The following TTC14 variants were observed in gnomAD, a reference collection of about 807,000 sequenced individuals.
TTC14 encodes tetratricopeptide repeat protein 14.
TTC14 carries 63 observed loss-of-function variants against 79.9 expected under a neutral mutation model. That is an observed-to-expected ratio of 0.79 (90% CI 0.64 to 0.97). TTC14 has a LOEUF of 0.97. Ranked by LOEUF, TTC14 falls within the 50% of genes least tolerant of loss-of-function variation. The probability of loss-of-function intolerance (pLI) is 0.00; values close to 1 mark genes in which losing one functional copy is unlikely to be tolerated. For synonymous variants in TTC14, 335 were observed against 309.6 expected (o/e 1.08, Z -0.86); for missense variants, 895 against 894.0 (o/e 1.00, Z -0.01).
At chr3:180,608,977 G>A in intron 11 of TTC14, 167 bp downstream of exon 11, 1 of 1,164,820 alleles carries the variant, frequency 8.6e-7, no homozygotes, top group Non-Finnish European at 1.1e-6. Flanking sequence ...TCTTATTAAA[G>A]AGATGAAGTG....
intron 3 of TTC14, 89 bp downstream of exon 3, chr3:180,603,412 G>A: frequency 8.9e-7 from 1 of 1,119,406 alleles, no homozygotes. Context: ...TTGTGCTCAA[G>A]TATACCTGCC....
downstream of TTC14, chr3:180,614,950 T>C (rs1173689494): frequency 5.7e-6 from 9 of 1,566,058 alleles, no homozygotes; most frequent in Non-Finnish European, 7.8e-6. Flanking sequence ...CTCTTAACAT[T>C]ACTAGAGCTA....
intron 3 of TTC14, 24 bp from the exon 4 acceptor site, chr3:180,604,201 G>A: frequency 6.3e-7 from 1 of 1,595,044 alleles, no homozygotes; most frequent in Non-Finnish European, 8.6e-7. Context: ...AATGTCTGGT[G>A]TTTTAAAATA....
chr3:180,608,951 T>C (rs1716842645), intron 11 of TTC14, 141 bp downstream of exon 11: 1 of 1,211,792 alleles, frequency 8.3e-7, no homozygotes, highest in Non-Finnish European at 1.0e-6. Flanking sequence ...TTAGCAAATA[T>C]GTGTTCCATG....
chr3:180,613,418 G>A (rs957857647), downstream of TTC14, among the ~76,000 whole-genome samples: 17 of 152,122 alleles, frequency 1.1e-4, no homozygotes, highest in Non-Finnish European at 1.6e-4. Context: ...ATGTAGATTC[G>A]TATGCTGGCC....
exon 13 of TTC14, chr3:180,617,443 T>C (rs1284279990): frequency 5.8e-6 from 4 of 686,836 alleles, no homozygotes; most frequent in African/African-American, 1.8e-5. Context: ...TCAGGAGATA[T>C]TCCAGAAGAG....
chr3:180,615,078 C>G (rs1406796195), downstream of TTC14: 2 of 1,519,216 alleles, frequency 1.3e-6, no homozygotes, highest in South Asian at 1.3e-5. Context: ...CCTAGATGAC[C>G]TAGAAGAAAA....
At chr3:180,605,887 A>AG (rs765456938) in intron 7 of TTC14, 50 bp downstream of exon 7, 2 of 1,537,850 alleles carry the variant, frequency 1.3e-6, no homozygotes, top group Non-Finnish European at 1.8e-6. Flanking sequence ...CTAAAAGCTT[A>AG]GGGCAAGGCA....
In TTC14 at chr3:180,610,814, A is replaced by C. The variant is rs953954871; in HGVS notation, c.*272A>C. 2.5e-5 allele frequency: 26 copies of C among 1,026,284 alleles called. No individual in the cohort carries two copies. The African/African-American group carries it at 4.4e-4, about 18-fold the overall frequency. 63.6% of individuals were successfully genotyped at this position (1,026,284 alleles called of 1,614,324 possible). ...TTCTTCACCTAAAGATAATTCTCTG[A>C]AAGTACTGTTTCTTCATTCTATTGC... On this transcript the variant is annotated 3_prime_UTR_variant, in exon 12 of 12. Coordinates refer to ENST00000296015, the MANE Select transcript of TTC14 (RefSeq NM_133462.4).
At chr3:180,611,981 A>G (rs1221052285), downstream of TTC14, among the ~76,000 whole-genome samples, 1 of 152,220 alleles carries the variant, frequency 6.6e-6, no homozygotes, top group African/African-American at 2.4e-5. Flanking sequence ...TTCTTTTGCA[A>G]ATGGAACAGT....
intron 10 of TTC14, 181 bp downstream of exon 10, chr3:180,607,946 A>G: frequency 7.4e-7 from 1 of 1,352,090 alleles, no homozygotes; most frequent in Non-Finnish European, 9.5e-7. Context: ...TTTTGTCCAT[A>G]ATCGAAAGTA....
chr3:180,617,204 G>T (rs890082476), intron 12 of TTC14, among the ~76,000 whole-genome samples: 1 of 152,068 alleles, frequency 6.6e-6, no homozygotes, highest in African/African-American at 2.4e-5. Context: ...TTGTAATGTG[G>T]CACAATACAT....
intron 7 of TTC14, 144 bp downstream of exon 7, chr3:180,605,981 AAGT>A: frequency 1.1e-6 from 1 of 907,354 alleles, no homozygotes; most frequent in South Asian, 1.6e-5. Context: ...TTATAGATGT[AAGT>A]AGTCTTACAT....
intron 1 of TTC14, 52 bp downstream of exon 1, chr3:180,602,474 C>T (rs896872715): frequency 4.6e-6 from 7 of 1,526,346 alleles, no homozygotes; most frequent in Non-Finnish European, 6.1e-6. Context: ...GCAGCTCTGG[C>T]AGCCACTACC....
At chr3:180,605,872 C>A in intron 7 of TTC14, 35 bp downstream of exon 7, 1 of 1,563,248 alleles carries the variant, frequency 6.4e-7, no homozygotes, top group Non-Finnish European at 8.6e-7. Context: ...TGCATTATAT[C>A]TAGTCTAAAA....
chr3:180,604,573 G>T lies in TTC14; in HGVS notation c.667G>T (p.Val223Leu). Residue 223 changes from valine (V) to leucine (L), a missense_variant, in exon 5 of 12, where the codon GTA (valine) becomes TTA (leucine). Val to Leu is a conservative substitution (Grantham distance 32). Coordinates refer to ENST00000296015, the MANE Select transcript of TTC14 (RefSeq NM_133462.4). Reference sequence around the variant, plus strand: ...ACACCTATCTGGTATTAAATTAGGTGTAATTAGCTCTGAAGAGCTTCCTTT... The same window carrying T: ...ACACCTATCTGGTATTAAATTAGGTTTAATTAGCTCTGAAGAGCTTCCTTT... The part of the protein sequence containing the change: ...PPHLSGIKLG[V>L]ISSEELPLYY... 1 of 1,610,116 alleles carries T rather than the reference G, an allele frequency of 6.2e-7. No homozygotes were observed. Among genetic ancestry groups the T allele is most frequent in the African/African-American group, 1.3e-5 (1 of 74,708 alleles).
intron 11 of TTC14, chr3:180,609,087 G>C (rs1716848612): frequency 2.2e-6 from 2 of 891,500 alleles, no homozygotes; most frequent in East Asian, 9.4e-5. Context: ...TTTAGAACTA[G>C]AGCAGTGGTT....
At chr3:180,606,212 T>G in intron 7 of TTC14, 41 bp from the exon 8 acceptor site, 1 of 1,604,076 alleles carries the variant, frequency 6.2e-7, no homozygotes, top group Non-Finnish European at 8.5e-7. Flanking sequence ...ATTTAGATAT[T>G]GTTTGAAGTG....
At chr3:180,615,097 T>C, downstream of TTC14, 1 of 1,503,188 alleles carries the variant, frequency 6.7e-7, no homozygotes, top group Non-Finnish European at 8.9e-7. Flanking sequence ...AAACCAGAAT[T>C]ATAAATTCAA....
Sources: gnomAD v4.1 joint callset for allele counts (sites outside exome capture counted in the v4.1 genomes callset) on GRCh38, gnomAD v4.1.1 for gene constraint, MANE v1.5 for transcripts, NCBI Gene and HGNC (gene_info 2026-07-23, HGNC 2026-07-21) for gene names.